Variants in SYCP2 observed in about 807,000 individuals in gnomAD.
SYCP2 encodes synaptonemal complex lateral element protein.
SYCP2 carries 55 observed loss-of-function variants against 211.3 expected under a neutral mutation model. The observed-to-expected ratio is 0.26, with a 90% CI of 0.21 to 0.33. The LOEUF (loss-of-function observed/expected upper bound fraction) is 0.33. Ranked by LOEUF, SYCP2 falls within the 10% of genes least tolerant of loss-of-function variation. The pLI is 1.00. For missense variants in SYCP2, 1,731 were observed against 1,752.0 expected (o/e 0.99, Z 0.21); for synonymous variants, 570 against 555.2 (o/e 1.03, Z -0.37).
chr20:59,881,998 C>A lies in SYCP2; in HGVS notation c.2605G>T (p.Asp869Tyr). 6.2e-7 allele frequency: 1 copy of A among 1,612,888 alleles called. No individual in the cohort carries two copies. Among genetic ancestry groups the A allele is most frequent in the Non-Finnish European group, 8.5e-7 (1 of 1,179,358 alleles). ...VNVTSECPVN[D>Y]VYNFNLNGAD... Reference sequence around the variant, plus strand: ...CCATTCAAATTAAAATTGTAAACATCATTCCTGTGAAAATGAAGAGCAATA... The same window carrying A: ...CCATTCAAATTAAAATTGTAAACATAATTCCTGTGAAAATGAAGAGCAATA... Residue 869 changes from aspartate to tyrosine, a missense_variant, in exon 28 of 45, where the codon GAT becomes TAT. Asp to Tyr is a radical substitution (Grantham distance 160). Around this residue, in one of 3 missense-constraint regions of SYCP2, gnomAD observed 1,387 missense variants for 1,351.3 expected, o/e 1.03. Transcript: ENST00000357552.
At chr20:59,913,323 A>G (rs936606207) in intron 12 of SYCP2, among the ~76,000 whole-genome samples, 1 of 152,258 alleles carries the variant, frequency 6.6e-6, no homozygotes, top group Admixed American at 6.5e-5. Context: ...CTTATGATTC[A>G]AATCAGGTAA....
intron 12 of SYCP2, among the ~76,000 whole-genome samples, chr20:59,913,674 GAAGTA>G (rs950282888): frequency 6.6e-6 from 1 of 151,978 alleles, no homozygotes; most frequent in African/African-American, 2.4e-5. Context: ...ATGCAACTCA[GAAGTA>G]TAGTAAGCCA....
intron 30 of SYCP2, among the ~76,000 whole-genome samples, chr20:59,880,749 T>C (rs549031663): frequency 2.0e-5 from 3 of 151,944 alleles, no homozygotes; most frequent in African/African-American, 7.2e-5. Context: ...AGGTATAACC[T>C]AATAGTATAC....
At position 59,870,644 on chromosome 20, in the gene SYCP2, A is replaced by G. The variant is rs149680150; in HGVS notation, c.3556-661T>C. 9.5e-4 allele frequency among the ~76,000 whole-genome samples: 145 copies of G among 151,994 alleles called. No homozygotes were observed. The Middle Eastern group carries it at 0.024, about 25-fold the overall frequency. On this transcript the variant is annotated intron_variant, in intron 35 of 44. Transcript: ENST00000357552. The stretch of plus-strand genomic sequence containing the variant: ...TTCTTCCCTTAGACAAACTAATTCT[A>G]AAATGTATATGAATCAGTAAAGGGC...
intron 15 of SYCP2, among the ~76,000 whole-genome samples, chr20:59,904,273 C>T (rs760180158): frequency 1.2e-4 from 19 of 152,058 alleles, no homozygotes; most frequent in Admixed American, 6.6e-4. Context: ...CTCAGTGTTC[C>T]GTTCAAAATA....
chr20:59,896,225 C>T (rs905804736), intron 19 of SYCP2, among the ~76,000 whole-genome samples: 3 of 151,896 alleles, frequency 2.0e-5, no homozygotes, highest in Non-Finnish European at 2.9e-5. Flanking sequence ...TTATTAATGT[C>T]GAATATTAGT....
intron 24 of SYCP2, among the ~76,000 whole-genome samples, chr20:59,889,839 G>A (rs1450047846): frequency 1.3e-5 from 2 of 151,952 alleles, no homozygotes; most frequent in African/African-American, 2.4e-5. Flanking sequence ...TCAGACAGAT[G>A]GCTACCTTAG....
rs2060422147 is a variant in SYCP2, at chr20:59,915,511, G to C, written c.553C>G (p.Gln185Glu). The change falls in exon 9 of 45, where the codon CAA (glutamine) becomes GAA (glutamate). Residue 185 changes from glutamine to glutamate, a missense_variant. Gln to Glu is a conservative substitution (Grantham distance 29, BLOSUM62 2). This residue lies in a region of SYCP2 where 335 missense variants were observed against 378.8 expected (regional missense o/e 0.88). Transcript: ENST00000357552. ...TTAGAGAGTATTTTCCGGGCATCTT[G>C]AGGCATTTTGTCAAGCATAGCATTC... ...KMNAMLDKMPQDARKILSNQE... is the reference protein window; with the variant it reads ...KMNAMLDKMPEDARKILSNQE... 6 of 1,610,594 alleles carry C rather than the reference G, an allele frequency of 3.7e-6. No homozygotes were observed. Among genetic ancestry groups the C allele is most frequent in the Non-Finnish European group, 5.1e-6 (6 of 1,177,208 alleles).
chr20:59,905,466 A>T (rs571762229), intron 15 of SYCP2, among the ~76,000 whole-genome samples: 1 of 152,138 alleles, frequency 6.6e-6, no homozygotes, highest in African/African-American at 2.4e-5. Context: ...AACATGCTTG[A>T]ATCTTTTTTT....
intron 36 of SYCP2, among the ~76,000 whole-genome samples, chr20:59,869,468 G>A (rs1380667568): frequency 6.6e-6 from 1 of 151,642 alleles, no homozygotes; most frequent in Non-Finnish European, 1.5e-5. Flanking sequence ...ATGGATGGAT[G>A]GGCTTTTATG....
chr20:59,900,400 C>A, intron 17 of SYCP2, 116 bp from the exon 18 acceptor site: 1 of 934,104 alleles, frequency 1.1e-6, no homozygotes, highest in Admixed American at 3.2e-5. Context: ...TTTCCCTTTT[C>A]TATCCATGTG....
intron 10 of SYCP2, 99 bp downstream of exon 10, chr20:59,915,066 C>A: frequency 1.3e-6 from 1 of 774,318 alleles, no homozygotes. Context: ...TTTATAATTC[C>A]CTCAGTCTCA....
At chr20:59,924,572 C>T (rs1247014426) in intron 2 of SYCP2, among the ~76,000 whole-genome samples, 1 of 151,938 alleles carries the variant, frequency 6.6e-6, no homozygotes, top group Non-Finnish European at 1.5e-5. Context: ...AAACATCTTA[C>T]ATACTCCATT....
At position 59,909,885 on chromosome 20, in the gene SYCP2, G is replaced by T. The variant is rs568172627; in HGVS notation, c.972+1865C>A. ...TGTGGTTGTGAGGCTACTTTATATT[G>T]AGTAACCTGAGAATACTCTATGAGA... is the stretch of plus-strand genomic sequence containing the variant. On this transcript the variant is annotated intron_variant, in intron 14 of 44. Transcript: ENST00000357552. 2.6e-5 allele frequency among the ~76,000 whole-genome samples: 4 copies of T among 152,170 alleles called. 1 individual carries two copies. Among genetic ancestry groups the T allele is most frequent in the African/African-American group, 9.7e-5 (4 of 41,432 alleles).
chr20:59,874,879 T>TA (rs1568913622), intron 34 of SYCP2, among the ~76,000 whole-genome samples: 1 of 152,018 alleles, frequency 6.6e-6, no homozygotes. Context: ...ATGAGCAAGA[T>TA]ATTCTTTGGA....
intron 42 of SYCP2, 26 bp downstream of exon 42, chr20:59,865,781 A>G: frequency 8.0e-7 from 1 of 1,254,440 alleles, no homozygotes. Flanking sequence ...TTTATAGATT[A>G]TAGCCATTAA....
At chr20:59,915,936 G>A (rs373144082) in intron 8 of SYCP2, among the ~76,000 whole-genome samples, 133 of 152,274 alleles carry the variant, frequency 8.7e-4, no homozygotes, top group African/African-American at 2.3e-3. Context: ...AGGTTGCAGT[G>A]AGCTGAGATT....
intron 24 of SYCP2, 120 bp from the exon 25 acceptor site, chr20:59,886,954 G>A (rs1270015311): frequency 2.8e-6 from 2 of 714,260 alleles, no homozygotes; most frequent in Non-Finnish European, 4.4e-6. Flanking sequence ...GAGAAATAAA[G>A]AGAGTCAACT....
intron 15 of SYCP2, among the ~76,000 whole-genome samples, chr20:59,902,144 GCAAA>G (rs1182185132): frequency 2.0e-5 from 3 of 151,752 alleles, no homozygotes; most frequent in African/African-American, 4.8e-5. Context: ...TTAAAAAAAG[GCAAA>G]CAAAAACAAT....
Sources: gnomAD v4.1 joint callset for allele counts (sites outside exome capture counted in the v4.1 genomes callset) on GRCh38, gnomAD v4.1.1 for gene constraint, gnomAD v4.1.1 regional missense constraint, MANE v1.5 for transcripts, NCBI Gene and HGNC (gene_info 2026-07-23, HGNC 2026-07-21) for gene names.